KCNH1: variants seen among roughly 807,000 people sequenced by gnomAD.
The protein encoded by KCNH1 is potassium voltage-gated channel subfamily H member 1, also known as voltage-gated delayed rectifier potassium channel KCNH1.
A neutral mutation model predicts 69.2 loss-of-function variants in KCNH1; 27 were observed. The observed-to-expected ratio is 0.39, with a 90% CI of 0.29 to 0.54. KCNH1 has a LOEUF of 0.54. KCNH1 is among the 20% of genes least tolerant of loss of function. The pLI is 0.68. For synonymous variants in KCNH1, 456 were observed against 487.7 expected, an observed-to-expected ratio of 0.93 and a Z score of 0.86; for missense variants, 798 against 1,261.6, an observed-to-expected ratio of 0.63 and a Z score of 5.57.
intron 7 of KCNH1, among the ~76,000 whole-genome samples, chr1:210,907,314 G>C (rs577250485): frequency 1.3e-5 from 2 of 152,184 alleles, no homozygotes; most frequent in Admixed American, 6.5e-5. Context: ...ACTCTACTGG[G>C]AAGCATGAAG....
In KCNH1 at chr1:211,054,206, T is replaced by C. The variant is rs149298968; in HGVS notation, c.558+28574A>G. 8.9e-3 allele frequency among the ~76,000 whole-genome samples: 1,346 copies of C among 152,030 alleles called. 12 individuals are homozygous for C. Among genetic ancestry groups the C allele is most frequent in the Middle Eastern group, 0.037 (11 of 294 alleles). On this transcript the variant is annotated intron_variant, in intron 5 of 10. Transcript: ENST00000271751. ...CTGAGGCAAGAGAATCTCTTGAACCTGGGAACCAGAGGTTACAATGAGCCA... is the reference window on the plus strand; with the variant it reads ...CTGAGGCAAGAGAATCTCTTGAACCCGGGAACCAGAGGTTACAATGAGCCA...
chr1:211,107,724 G>C (rs780099859), intron 1 of KCNH1, among the ~76,000 whole-genome samples: 1 of 152,188 alleles, frequency 6.6e-6, no homozygotes, highest in Non-Finnish European at 1.5e-5. Context: ...CAATATTACA[G>C]AGCAAGAGAG....
chr1:211,112,630 T>C (rs1222549306), intron 1 of KCNH1, among the ~76,000 whole-genome samples: 1 of 151,800 alleles, frequency 6.6e-6, no homozygotes, highest in African/African-American at 2.4e-5. Flanking sequence ...ATTCTCACCA[T>C]AGAATTTAAA....
intron 5 of KCNH1, among the ~76,000 whole-genome samples, chr1:211,047,465 A>G (rs867967199): frequency 6.6e-6 from 1 of 152,200 alleles, no homozygotes; most frequent in African/African-American, 2.4e-5. Context: ...AGAGAGGGCT[A>G]AAAACACAGT....
intron 7 of KCNH1, among the ~76,000 whole-genome samples, chr1:210,826,108 T>C (rs2102432572): frequency 6.6e-6 from 1 of 152,320 alleles, no homozygotes; most frequent in East Asian, 1.9e-4. Context: ...ATTTGTTACA[T>C]TTTCACAAAA....
intron 8 of KCNH1, among the ~76,000 whole-genome samples, chr1:210,800,768 C>T (rs543521133): frequency 1.3e-5 from 2 of 152,220 alleles, no homozygotes; most frequent in African/African-American, 4.8e-5. Context: ...ACCATCCTTG[C>T]TCTTCCTTGA....
chr1:211,102,945 G>A (rs1691286531), intron 3 of KCNH1, among the ~76,000 whole-genome samples: 1 of 152,218 alleles, frequency 6.6e-6, no homozygotes, highest in South Asian at 2.1e-4. Flanking sequence ...TAAGGGAAGA[G>A]CAAGTTTTAT....
chr1:210,982,832 C>G (rs540529362), intron 6 of KCNH1, among the ~76,000 whole-genome samples: 10 of 152,266 alleles, frequency 6.6e-5, no homozygotes, highest in African/African-American at 2.2e-4. Context: ...CTAGATCCCT[C>G]AGGAATCACC....
chr1:211,094,824 C>T (rs1182905681), intron 3 of KCNH1, among the ~76,000 whole-genome samples: 1 of 152,288 alleles, frequency 6.6e-6, no homozygotes, highest in East Asian at 1.9e-4. Context: ...CAGAAGAGAA[C>T]ATAAGTCCCT....
chr1:210,773,479 A>G (rs1455779360), intron 10 of KCNH1, among the ~76,000 whole-genome samples: 1 of 152,192 alleles, frequency 6.6e-6, no homozygotes, highest in African/African-American at 2.4e-5. Flanking sequence ...GGGACCCACA[A>G]GATAGTCCAA....
At chr1:211,053,019 A>C (rs543236751) in intron 5 of KCNH1, among the ~76,000 whole-genome samples, 2 of 152,386 alleles carry the variant, frequency 1.3e-5, no homozygotes, top group South Asian at 2.1e-4. Context: ...ATAAAAAAAT[A>C]GATAATTTCC....
chr1:211,058,699 C>T (rs1242290605), intron 5 of KCNH1, among the ~76,000 whole-genome samples: 1 of 151,774 alleles, frequency 6.6e-6, no homozygotes, highest in African/African-American at 2.4e-5. Context: ...CACAAAACAA[C>T]CAGAAAAACA....
At position 210,871,992 on chromosome 1, in the gene KCNH1, T is replaced by C. The variant is rs995985595; in HGVS notation, c.1462+47648A>G. ...GGGTGCAGCGCACCAGCATGTCACA[T>C]GTATACATATGTAACTAACCTGCAC... On this transcript the variant is annotated intron_variant, in intron 7 of 10. Transcript: ENST00000271751. Among the ~76,000 whole-genome samples, 9 of 151,678 alleles carry C rather than the reference T, an allele frequency of 5.9e-5. 1 individual carries two copies. The highest frequency in any genetic ancestry group is 2.2e-4 in the African/African-American group (9 of 41,328).
rs1395718455 is a variant in KCNH1 at position 210,718,691 on chromosome 1, C to CAT, written c.2113-34555_2113-34554dup. Among the ~76,000 whole-genome samples, 29 of 109,538 alleles carry CAT rather than the reference C, an allele frequency of 2.6e-4. 1 individual carries two copies. The East Asian group carries it at 2.8e-3, about 10-fold the overall frequency. The allele number at this position is 109,538 out of a possible 152,430, so 71.9% of individuals were successfully genotyped here. ...ACACACACACACACACACACACACA[C>CAT]ATATATATATACACACTAAGTCTTC... On this transcript the variant is annotated intron_variant, in intron 10 of 10. Coordinates refer to ENST00000271751, the MANE Select transcript of KCNH1 (RefSeq NM_172362.3).
chr1:211,069,474 T>C (rs749256644), intron 5 of KCNH1, among the ~76,000 whole-genome samples: 1 of 149,838 alleles, frequency 6.7e-6, no homozygotes, highest in Non-Finnish European at 1.5e-5. Context: ...AAAACAACTA[T>C]GATTAATTTT....
At chr1:211,052,564 G>A (rs931214253) in intron 5 of KCNH1, among the ~76,000 whole-genome samples, 4 of 152,168 alleles carry the variant, frequency 2.6e-5, no homozygotes, top group African/African-American at 4.8e-5. Flanking sequence ...CTAGTCTGAG[G>A]AGCCAAATGA....
intron 5 of KCNH1, among the ~76,000 whole-genome samples, chr1:211,070,963 TA>T (rs1322827839): frequency 3.3e-5 from 5 of 152,166 alleles, no homozygotes; most frequent in African/African-American, 1.2e-4. Context: ...CTTTTGACTC[TA>T]AAAATTTACT....
intron 9 of KCNH1, among the ~76,000 whole-genome samples, chr1:210,797,109 CT>C (rs1491067346): frequency 3.8e-5 from 4 of 104,644 alleles, no homozygotes; most frequent in African/African-American, 1.6e-4. Flanking sequence ...GCTATCCCCT[CT>C]TTTTAGGATA....
At chr1:210,943,986 A>C (rs1687916672) in intron 6 of KCNH1, among the ~76,000 whole-genome samples, 1 of 152,158 alleles carries the variant, frequency 6.6e-6, no homozygotes, top group African/African-American at 2.4e-5. Context: ...AGTACTGTGT[A>C]TTATCCAAAT....
Sources: gnomAD v4.1 joint callset for allele counts (sites outside exome capture counted in the v4.1 genomes callset) on GRCh38, gnomAD v4.1.1 for gene constraint, MANE v1.5 for transcripts, NCBI Gene and HGNC (gene_info 2026-07-23, HGNC 2026-07-21) for gene names.